The following ZNF687 variants were observed in gnomAD, a reference collection of about 807,000 sequenced individuals.
ZNF687 encodes the protein zinc finger protein 687.
ZNF687 carries 13 observed loss-of-function variants against 71.8 expected under a neutral mutation model. The observed-to-expected ratio is 0.18, with a 90% CI of 0.12 to 0.29. ZNF687 has a LOEUF of 0.29. Among genes scored for constraint, ZNF687 ranks in the 10% least tolerant of loss-of-function variants. The probability of loss-of-function intolerance (pLI) is 1.00; values close to 1 mark genes in which losing one functional copy is unlikely to be tolerated. For missense variants in ZNF687, 1,412 were observed against 1,625.6 expected, an observed-to-expected ratio of 0.87 and a Z score of 2.26; for synonymous variants, 673 against 641.6, an observed-to-expected ratio of 1.05 and a Z score of -0.74.
chr1:151,283,088 C>A, intron 1 of ZNF687: 1 of 985,314 alleles, frequency 1.0e-6, no homozygotes, highest in East Asian at 1.1e-4. Flanking sequence ...TGAGGCCCGG[C>A]CTTCGCTTCG....
chr1:151,281,565 T>C (rs3811406), upstream of ZNF687: 356,114 of 470,948 alleles, frequency 0.76, 135,526 homozygotes, highest in Middle Eastern at 0.82. Context: ...ATTCCTTCCA[T>C]GCTCCAAATC....
chr1:151,288,978 C>T (rs1694075087), intron 3 of ZNF687, 117 bp from the exon 4 acceptor site: 3 of 1,185,524 alleles, frequency 2.5e-6, no homozygotes, highest in Admixed American at 2.2e-5. Context: ...CCTGCTCATG[C>T]TCCACTACTG....
intron 1 of ZNF687, chr1:151,284,224 G>A (rs757162791): frequency 7.2e-5 from 71 of 985,242 alleles, no homozygotes; most frequent in Admixed American, 1.2e-4. Flanking sequence ...GGTTGAGGGA[G>A]CCTGGCTTTT....
Position 151,291,346 on chromosome 1 carries a change from A to G in ZNF687, c.*137A>G. The G allele has an allele frequency of 8.2e-7, 1 of 1,216,086 alleles. No homozygotes were observed. The highest frequency in any genetic ancestry group is 1.1e-6 in the Non-Finnish European group (1 of 898,772). 75.3% of individuals were successfully genotyped at this position (1,216,086 alleles called of 1,614,324 possible). ...CTGTCTCTCCAACCTGAAGAAGAAG[A>G]GCATTTGAGGATTATTCTAGTTATT... On this transcript the variant is annotated 3_prime_UTR_variant, in exon 9 of 9. Transcript: ENST00000336715.
At chr1:151,282,997 T>A in intron 1 of ZNF687, 3 of 501,812 alleles carry the variant, frequency 6.0e-6, no homozygotes, top group Non-Finnish European at 7.7e-6. Flanking sequence ...TCTCCTCCCC[T>A]CTTTCCAGCT....
At chr1:151,289,344 A>T (rs773758214) in intron 4 of ZNF687, 34 bp from the exon 5 acceptor site, 3 of 1,613,770 alleles carry the variant, frequency 1.9e-6, no homozygotes, top group Non-Finnish European at 2.5e-6. Flanking sequence ...GCTGCACCCA[A>T]CCCTGCCTGA....
Position 151,289,877 on chromosome 1 carries a change from G to T in ZNF687, c.2834G>T (p.Arg945Leu). 2 of 1,563,514 alleles carry T rather than the reference G, an allele frequency of 1.3e-6. No individual in the cohort carries two copies. Among genetic ancestry groups the T allele is most frequent in the Non-Finnish European group, 1.7e-6 (2 of 1,153,254 alleles). The change falls in exon 6 of 9, where the codon CGG becomes CTG. Residue 945 changes from arginine (R) to leucine (L), a missense_variant. Transcript: ENST00000336715. ...CCCCCCCGTCCAGCCAAACGGCCTCGGCGGGAACTAGGGAGCAAAGGCCTC... is the reference window on the plus strand; with the variant it reads ...CCCCCCCGTCCAGCCAAACGGCCTCTGCGGGAACTAGGGAGCAAAGGCCTC... ...PEPPRPAKRP[R>L]RELGSKGLKG...
Position 151,289,769 on chromosome 1 carries a change from C to A in ZNF687, c.2726C>A (p.Ala909Asp). Reference sequence around the variant, plus strand: ...CCCAAGACTGAGCCTGAGGAGCTGGCTGTTTCTCAGGGAGGGGCAGCCCCT... The same window carrying A: ...CCCAAGACTGAGCCTGAGGAGCTGGATGTTTCTCAGGGAGGGGCAGCCCCT... ...LTPKTEPEEL[A>D]VSQGGAAPAT... The change falls in exon 6 of 9, where the codon GCT (alanine) becomes GAT (aspartate). Residue 909 changes from alanine to aspartate, a missense_variant. Coordinates refer to ENST00000336715, the MANE Select transcript of ZNF687 (RefSeq NM_020832.3). 1 of 1,560,986 alleles carries A rather than the reference C, an allele frequency of 6.4e-7. No homozygotes were observed. Among genetic ancestry groups the A allele is most frequent in the Non-Finnish European group, 8.7e-7 (1 of 1,151,970 alleles).
intron 1 of ZNF687, chr1:151,283,965 A>G (rs1255820208): frequency 8.1e-6 from 8 of 985,354 alleles, no homozygotes; most frequent in Non-Finnish European, 9.6e-6. Context: ...TCGTAGATAC[A>G]GAAACACTCA....
At chr1:151,288,829 C>T in intron 3 of ZNF687, 123 bp downstream of exon 3, 2 of 1,263,942 alleles carry the variant, frequency 1.6e-6, no homozygotes, top group East Asian at 4.7e-5. Flanking sequence ...TTTTGCCAGA[C>T]TCAACCCTGA....
chr1:151,290,768 C>T lies in ZNF687; in HGVS notation c.3273C>T (p.Asp1091=). 1 of 1,613,428 alleles carries T rather than the reference C, an allele frequency of 6.2e-7. No homozygotes were observed. Among genetic ancestry groups the T allele is most frequent in the Non-Finnish European group, 8.5e-7 (1 of 1,179,804 alleles). ...QSSDSCSEEP[D]STTPPAKSPR... is the part of the protein sequence containing the mutation. Reference sequence around the variant, plus strand: ...CTGACTCTTGCAGTGAGGAGCCTGACAGCACGACACCGCCAGCCAAGTCCC... The same window carrying T: ...CTGACTCTTGCAGTGAGGAGCCTGATAGCACGACACCGCCAGCCAAGTCCC... Residue 1091 remains aspartate (D), a synonymous_variant, in exon 9 of 9, where the codon GAC becomes GAT. Transcript: ENST00000336715.
rs973641894 is a variant in ZNF687 at position 151,282,404 on chromosome 1, G to T, written c.-18+9G>T. On this transcript the variant is annotated intron_variant, in intron 1 of 8. Transcript: ENST00000336715. Reference sequence around the variant, plus strand: ...CACCAGGAGCGGAACAAGTAAGCGTGCCTGGGGTAAATACCCGCCCTTGGC... The same window carrying T: ...CACCAGGAGCGGAACAAGTAAGCGTTCCTGGGGTAAATACCCGCCCTTGGC... 1 of 987,284 alleles carries T rather than the reference G, an allele frequency of 1.0e-6. No individual in the cohort carries two copies. The highest frequency in any genetic ancestry group is 1.2e-6 in the Non-Finnish European group (1 of 830,460). 61.2% of individuals were successfully genotyped at this position (987,284 alleles called of 1,614,324 possible). A position where few individuals can be genotyped will look rare whatever the true frequency, so the allele number is the denominator to read the frequency against.
intron 1 of ZNF687, chr1:151,285,263 C>T (rs4246525): frequency 0.62 from 94,962 of 152,018 alleles, 29,968 homozygotes; most frequent in Middle Eastern, 0.67. Flanking sequence ...TGATTCCATG[C>T]GGACATGAAT....
rs764629895 is a variant in ZNF687, at chr1:151,290,369, A to C, written c.3078-63A>C. 11 of 1,613,098 alleles carry C rather than the reference A, an allele frequency of 6.8e-6. No homozygotes were observed. The South Asian group carries it at 1.2e-4, about 18-fold the overall frequency. ...CCTCTGCTCTGGCAGCCCCCTCCTCAGAAGCAAGGGCCCTGGCCTTCGGGC... is the reference window on the plus strand; with the variant it reads ...CCTCTGCTCTGGCAGCCCCCTCCTCCGAAGCAAGGGCCCTGGCCTTCGGGC... On this transcript the variant is annotated intron_variant, in intron 7 of 8. Transcript: ENST00000336715.
intron 3 of ZNF687, 105 bp from the exon 4 acceptor site, chr1:151,288,989 AT>A: frequency 7.8e-7 from 1 of 1,289,302 alleles, no homozygotes; most frequent in African/African-American, 1.5e-5. Flanking sequence ...TCCACTACTG[AT>A]TTCCTTCTTG....
chr1:151,286,813 A>G lies in ZNF687; in HGVS notation c.522A>G (p.Ser174=), dbSNP rs1247562812. The G allele has an allele frequency of 6.2e-7, 1 of 1,614,202 alleles. No individual in the cohort carries two copies. Among genetic ancestry groups the G allele is most frequent in the Admixed American group, 1.7e-5 (1 of 60,024 alleles). Residue 174 remains serine (S), a synonymous_variant, in exon 2 of 9, where the codon TCA becomes TCG. Transcript: ENST00000336715. ...TTGGCCCTGAGCCAGGGGACCACTC[A>G]GATCCGCTGCCTCCCTCTGCACCCT... is the stretch of plus-strand genomic sequence containing the variant. ...AHFGPEPGDH[S]DPLPPSAPSP... is the part of the protein sequence containing the mutation.
At chr1:151,281,529 G>C (rs1693709930), upstream of ZNF687, 3 of 470,846 alleles carry the variant, frequency 6.4e-6, no homozygotes, top group Admixed American at 4.7e-5. Flanking sequence ...TCCGGTCCGC[G>C]AGCCCTTCCC....
Position 151,289,896 on chromosome 1 carries a change from A to G in ZNF687, c.2853A>G (p.Lys951=). 2 of 1,559,620 alleles carry G rather than the reference A, an allele frequency of 1.3e-6. No homozygotes were observed. The highest frequency in any genetic ancestry group is 1.7e-6 in the Non-Finnish European group (2 of 1,150,568). ...GGCCTCGGCGGGAACTAGGGAGCAA[A>G]GGCCTCAAGGGTGGGGGTGGGGGGC... ...AKRPRRELGS[K]GLKGGGGGPG... is the part of the protein sequence containing the mutation. Residue 951 remains lysine (K), a synonymous_variant, in exon 6 of 9, where the codon AAA becomes AAG. Transcript: ENST00000336715.
rs369815100 is a variant in ZNF687 at position 151,290,784 on chromosome 1, G to A, written c.3289G>A (p.Ala1097Thr). 5 of 1,613,574 alleles carry A rather than the reference G, an allele frequency of 3.1e-6. No individual in the cohort carries two copies. Among genetic ancestry groups the A allele is most frequent in the Non-Finnish European group, 1.7e-6 (2 of 1,179,942 alleles). The part of the protein sequence containing the change: ...SEEPDSTTPP[A>T]KSPRGGPGSG... ...GGAGCCTGACAGCACGACACCGCCAGCCAAGTCCCCCAGGGGCGGACCTGG... is the reference window on the plus strand; with the variant it reads ...GGAGCCTGACAGCACGACACCGCCAACCAAGTCCCCCAGGGGCGGACCTGG... Residue 1097 changes from alanine to threonine, a missense_variant, in exon 9 of 9, where the codon GCC becomes ACC. This residue lies in a region of ZNF687 where 284 missense variants were observed against 359.2 expected (regional missense o/e 0.79). Coordinates refer to ENST00000336715, the MANE Select transcript of ZNF687 (RefSeq NM_020832.3).
Sources: gnomAD v4.1 joint callset for allele counts on GRCh38, gnomAD v4.1.1 for gene constraint, gnomAD v4.1.1 regional missense constraint, MANE v1.5 for transcripts, NCBI Gene and HGNC (gene_info 2026-07-23, HGNC 2026-07-21) for gene names.